LUZP2: variants seen among roughly 807,000 people sequenced by gnomAD.
LUZP2 encodes the protein leucine zipper protein 2.
A neutral mutation model predicts 51.6 loss-of-function variants in LUZP2; 52 were observed. That is an observed-to-expected ratio of 1.01 (90% confidence interval 0.81 to 1.27). The LOEUF (loss-of-function observed/expected upper bound fraction) is 1.27, where lower values mean the gene tolerates loss of function less well. Among genes scored for constraint, LUZP2 ranks in the 50% most tolerant of loss-of-function variants. LUZP2 has a pLI of 0.00. For missense variants in LUZP2, 436 were observed against 395.4 expected, an observed-to-expected ratio of 1.10 and a Z score of -0.87; for synonymous variants, 154 against 137.3, an observed-to-expected ratio of 1.12 and a Z score of -0.85.
At chr11:24,964,151 C>G (rs1177974978) in intron 7 of LUZP2, among the ~76,000 whole-genome samples, 2 of 152,146 alleles carry the variant, frequency 1.3e-5, no homozygotes, top group African/African-American at 4.8e-5. Context: ...CCCTTTTCAC[C>G]ACATTCCTGC....
intron 1 of LUZP2, among the ~76,000 whole-genome samples, chr11:24,606,782 C>A (rs1417849979): frequency 6.6e-6 from 1 of 151,956 alleles, no homozygotes; most frequent in East Asian, 1.9e-4. Context: ...TGTAAAGGTT[C>A]TTTTTTCTCC....
At chr11:24,839,977 C>A (rs1452512582) in intron 5 of LUZP2, among the ~76,000 whole-genome samples, 1 of 151,686 alleles carries the variant, frequency 6.6e-6, no homozygotes, top group East Asian at 1.9e-4. Flanking sequence ...CTAGCCCCAG[C>A]ATATTTTGCC....
intron 9 of LUZP2, among the ~76,000 whole-genome samples, chr11:24,984,990 A>C (rs1326326536): frequency 6.6e-6 from 1 of 151,644 alleles, no homozygotes; most frequent in African/African-American, 2.4e-5. Flanking sequence ...TTTAGTGTCC[A>C]GAATGATGTT....
At chr11:24,601,848 G>GTA (rs67762793) in intron 1 of LUZP2, among the ~76,000 whole-genome samples, 4,408 of 136,762 alleles carry the variant, frequency 0.032, 95 homozygotes, top group African/African-American at 0.065. Context: ...AAATAAACAG[G>GTA]TATATATATA....
chr11:24,536,234 G>A (rs1407487566), intron 1 of LUZP2, among the ~76,000 whole-genome samples: 1 of 151,716 alleles, frequency 6.6e-6, no homozygotes, highest in Non-Finnish European at 1.5e-5. Flanking sequence ...AGTGAACACT[G>A]GCTTCAACTT....
At chr11:24,864,486 A>C (rs1021274066) in intron 5 of LUZP2, among the ~76,000 whole-genome samples, 2 of 152,198 alleles carry the variant, frequency 1.3e-5, no homozygotes, top group Non-Finnish European at 2.9e-5. Context: ...TTCTAAGTTA[A>C]TCTAGGCATA....
chr11:24,991,440 A>T, intron 9 of LUZP2, among the ~76,000 whole-genome samples: 1 of 148,870 alleles, frequency 6.7e-6, no homozygotes, highest in African/African-American at 2.4e-5. Context: ...ATATACATAT[A>T]TCTCTCACAG....
intron 5 of LUZP2, among the ~76,000 whole-genome samples, chr11:24,855,068 C>G (rs1851517609): frequency 6.6e-6 from 1 of 152,136 alleles, no homozygotes; most frequent in Admixed American, 6.6e-5. Context: ...TGGAGCTGTT[C>G]CTATTTGGTG....
At chr11:24,576,863 G>A (rs915429707) in intron 1 of LUZP2, among the ~76,000 whole-genome samples, 2 of 151,992 alleles carry the variant, frequency 1.3e-5, no homozygotes, top group African/African-American at 4.8e-5. Context: ...TTAGATATGA[G>A]TATTGCAATC....
chr11:24,893,449 C>T (rs1852919906), intron 5 of LUZP2: 1 of 151,840 alleles, frequency 6.6e-6, no homozygotes, highest in Non-Finnish European at 1.5e-5. Flanking sequence ...CATTCACACC[C>T]TATAATACCA....
chr11:24,867,441 AT>A (rs1851933401), intron 5 of LUZP2, among the ~76,000 whole-genome samples: 1 of 151,918 alleles, frequency 6.6e-6, no homozygotes, highest in Non-Finnish European at 1.5e-5. Context: ...TCTTCCAGTC[AT>A]TTTGTTATTG....
At chr11:24,988,467 A>G (rs1395188870) in intron 9 of LUZP2, among the ~76,000 whole-genome samples, 1 of 152,000 alleles carries the variant, frequency 6.6e-6, no homozygotes, top group Non-Finnish European at 1.5e-5. Context: ...TTTCCTCACA[A>G]CTTTCTAAAG....
At chr11:24,612,884 T>G (rs917622685) in intron 1 of LUZP2, among the ~76,000 whole-genome samples, 1 of 152,118 alleles carries the variant, frequency 6.6e-6, no homozygotes, top group East Asian at 1.9e-4. Flanking sequence ...CTTTCTCCAA[T>G]AGACATCTAC....
intron 9 of LUZP2, among the ~76,000 whole-genome samples, chr11:25,032,231 C>A (rs955984002): frequency 2.6e-5 from 4 of 152,128 alleles, no homozygotes; most frequent in Non-Finnish European, 5.9e-5. Flanking sequence ...AGATGTCCAA[C>A]CAACAGAACT....
chr11:24,719,934 G>T, intron 1 of LUZP2, among the ~76,000 whole-genome samples: 1 of 152,144 alleles, frequency 6.6e-6, no homozygotes, highest in Admixed American at 6.5e-5. Context: ...AGAGTCATTG[G>T]CTGATGAACA....
In LUZP2 at chr11:25,079,276, A is replaced by G. The variant is rs1366982062; in HGVS notation, c.*618A>G. 2.0e-5 allele frequency: 3 copies of G among 152,206 alleles called. No homozygotes were observed. Among genetic ancestry groups the G allele is most frequent in the Non-Finnish European group, 2.9e-5 (2 of 68,036 alleles). 9.4% of individuals were successfully genotyped at this position (152,206 alleles called of 1,614,324 possible). A position where few individuals can be genotyped will look rare whatever the true frequency, so the allele number is the denominator to read the frequency against. ...AGTATGTTTGGCATCATATGGACAAAATATTTGGATGAATGACTAAATTTC... is the reference window on the plus strand; with the variant it reads ...AGTATGTTTGGCATCATATGGACAAGATATTTGGATGAATGACTAAATTTC... On this transcript the variant is annotated 3_prime_UTR_variant, in exon 12 of 12. Transcript: ENST00000336930.
At chr11:24,695,866 T>G (rs1024342150) in intron 1 of LUZP2, among the ~76,000 whole-genome samples, 7 of 151,732 alleles carry the variant, frequency 4.6e-5, no homozygotes, top group African/African-American at 1.7e-4. Flanking sequence ...AGTGAAAATT[T>G]AAAATATGCA....
chr11:24,750,647 A>G (rs917436617), intron 4 of LUZP2, among the ~76,000 whole-genome samples: 1 of 152,170 alleles, frequency 6.6e-6, no homozygotes, highest in South Asian at 2.1e-4. Context: ...AATAAACTGT[A>G]TATTCAGTTG....
intron 7 of LUZP2, among the ~76,000 whole-genome samples, chr11:24,945,029 T>C (rs1854861340): frequency 6.6e-6 from 1 of 152,212 alleles, no homozygotes; most frequent in African/African-American, 2.4e-5. Flanking sequence ...TCTTTAAATC[T>C]GTGCAGCGAA....
Sources: gnomAD v4.1 joint callset for allele counts (sites outside exome capture counted in the v4.1 genomes callset) on GRCh38, gnomAD v4.1.1 for gene constraint, MANE v1.5 for transcripts, NCBI Gene and HGNC (gene_info 2026-07-23, HGNC 2026-07-21) for gene names.